Variants in DNAH1 observed in about 807,000 individuals in gnomAD.
DNAH1 encodes axonemal beta dynein heavy chain 1.
A neutral mutation model predicts 484.3 loss-of-function variants in DNAH1; 327 were observed. That is an observed-to-expected ratio of 0.68 (90% CI 0.62 to 0.74). The LOEUF (loss-of-function observed/expected upper bound fraction) is 0.74, where lower values mean the gene tolerates loss of function less well. DNAH1 is among the 30% of genes least tolerant of loss of function. The pLI is 0.00. For synonymous variants in DNAH1, 2,192 were observed against 2,191.9 expected, an observed-to-expected ratio of 1.00 and a Z score of 0.00; for missense variants, 5,052 against 5,546.8, an observed-to-expected ratio of 0.91 and a Z score of 2.83.
In DNAH1 at chr3:52,322,427, C is replaced by T. The variant is rs752638784; in HGVS notation, c.-16C>T. On this transcript the variant is annotated 5_prime_UTR_variant, in exon 2 of 78. Coordinates refer to ENST00000420323, the MANE Select transcript of DNAH1 (RefSeq NM_015512.5). ...CTCCTAGGAGCTTCGGCTGGGGCAT[C>T]TCCCTGAGAAGCAGCATGGAGCAGC... 1.9e-6 allele frequency: 3 copies of T among 1,594,038 alleles called. No homozygotes were observed. The Admixed American group carries it at 5.7e-5, about 30-fold the overall frequency.
At chr3:52,367,760 A>G (rs1485683254) in intron 36 of DNAH1, among the ~76,000 whole-genome samples, 1 of 152,098 alleles carries the variant, frequency 6.6e-6, no homozygotes, top group Non-Finnish European at 1.5e-5. Context: ...TTTAGTAGAG[A>G]CAAGATTTCA....
chr3:52,369,242 A>T (rs1703214903), intron 37 of DNAH1, among the ~76,000 whole-genome samples: 2 of 152,128 alleles, frequency 1.3e-5, no homozygotes, highest in Non-Finnish European at 2.9e-5. Context: ...CTTGCCTCCC[A>T]GGCCCAATTT....
chr3:52,398,984 G>C lies in DNAH1; in HGVS notation c.12224G>C (p.Trp4075Ser). The change falls in exon 76 of 78, where the codon TGG becomes TCG. Residue 4075 changes from tryptophan (W) to serine (S), a missense_variant. By Grantham distance (177) the Trp-to-Ser change is radical. This residue lies in a region of DNAH1 where 853 missense variants were observed against 899.0 expected (regional missense o/e 0.95). Transcript: ENST00000420323. Reference sequence around the variant, plus strand: ...TACAACAATACTGTGCCTGAGCTCTGGAGTGCCAAGGCCTACCCATCGCTC... The same window carrying C: ...TACAACAATACTGTGCCTGAGCTCTCGAGTGCCAAGGCCTACCCATCGCTC... ...SLYNNTVPEL[W>S]SAKAYPSLKP... 6.2e-7 allele frequency: 1 copy of C among 1,613,972 alleles called. No individual in the cohort carries two copies.
At chr3:52,392,059 G>A (rs1468563674) in intron 63 of DNAH1, among the ~76,000 whole-genome samples, 12 of 152,234 alleles carry the variant, frequency 7.9e-5, no homozygotes, top group Admixed American at 7.9e-4. Flanking sequence ...ACAGCCCACA[G>A]CCCATAGGCC....
chr3:52,336,572 A>G (rs956430011), intron 8 of DNAH1, among the ~76,000 whole-genome samples: 1 of 152,100 alleles, frequency 6.6e-6, no homozygotes, highest in Admixed American at 6.5e-5. Flanking sequence ...AAAAAAGAAC[A>G]ATTTAAATAT....
chr3:52,356,646 G>C lies in DNAH1; in HGVS notation c.3726G>C (p.Arg1242=). 1 of 1,613,740 alleles carries C rather than the reference G, an allele frequency of 6.2e-7. No homozygotes were observed. Among genetic ancestry groups the C allele is most frequent in the East Asian group, 2.2e-5 (1 of 44,892 alleles). ...EVLEEWLNCQ[R]SWLYLEPIFS... Reference sequence around the variant, plus strand: ...TGGAGGAGTGGCTGAACTGTCAGCGGTCCTGGCTCTACCTGGAGCCCATCT... The same window carrying C: ...TGGAGGAGTGGCTGAACTGTCAGCGCTCCTGGCTCTACCTGGAGCCCATCT... The change falls in exon 22 of 78, where the codon CGG becomes CGC. Residue 1242 remains arginine (R), a synonymous_variant. Coordinates refer to ENST00000420323, the MANE Select transcript of DNAH1 (RefSeq NM_015512.5).
intron 46 of DNAH1, among the ~76,000 whole-genome samples, chr3:52,378,245 C>T (rs1291730151): frequency 6.6e-6 from 1 of 151,880 alleles, no homozygotes; most frequent in Non-Finnish European, 1.5e-5. Flanking sequence ...GAGACCCTCC[C>T]CAAGTGTGGC....
chr3:52,318,890 C>T (rs1368185276), intron 1 of DNAH1, among the ~76,000 whole-genome samples: 5 of 152,196 alleles, frequency 3.3e-5, no homozygotes, highest in Non-Finnish European at 5.9e-5. Flanking sequence ...TGCAGAACCC[C>T]GGGGTGTGAA....
chr3:52,400,402 T>C lies in DNAH1; in HGVS notation c.12754T>C (p.Trp4252Arg), dbSNP rs1704861583. 2 of 1,613,906 alleles carry C rather than the reference T, an allele frequency of 1.2e-6. No homozygotes were observed. The highest frequency in any genetic ancestry group is 1.1e-5 in the South Asian group (1 of 91,090). Residue 4252 changes from tryptophan to arginine, a missense_variant, in exon 78 of 78, where the codon TGG becomes CGG. By Grantham distance (101) the Trp-to-Arg change is moderately radical. This residue lies in a region of DNAH1 where 853 missense variants were observed against 899.0 expected (regional missense o/e 0.95). Coordinates refer to ENST00000420323, the MANE Select transcript of DNAH1 (RefSeq NM_015512.5). ...EIPTHQPQRH[W>R]IKRGVALICA... is the part of the protein sequence containing the mutation. ...CCCCACCCATCAGCCCCAGCGACAC[T>C]GGATAAAGCGTGGTGTGGCCCTCAT...
In DNAH1 at chr3:52,388,281, G is replaced by A. The variant is rs1477905327; in HGVS notation, c.9118G>A (p.Val3040Met). 6.2e-7 allele frequency: 1 copy of A among 1,602,156 alleles called. No homozygotes were observed. Residue 3040 changes from valine to methionine, a missense_variant, in exon 57 of 78, where the codon GTG becomes ATG. Physicochemically the swap from Val to Met is conservative, Grantham distance 21. This residue lies in a region of DNAH1 where 2,929 missense variants were observed against 3,409.4 expected (regional missense o/e 0.86). Coordinates refer to ENST00000420323, the MANE Select transcript of DNAH1 (RefSeq NM_015512.5). ...SKACTSICQWVRAMHKYHFVA... is the reference protein window; with the variant it reads ...SKACTSICQWMRAMHKYHFVA... ...GGCTTGCACCTCCATCTGCCAGTGG[G>A]TGCGCGCCATGCACAAGTACCACTT...
At chr3:52,321,983 C>T (rs1277034741) in intron 1 of DNAH1, among the ~76,000 whole-genome samples, 1 of 152,098 alleles carries the variant, frequency 6.6e-6, no homozygotes, top group African/African-American at 2.4e-5. Context: ...GGTGCCAGGG[C>T]TGCTACTGGC....
At chr3:52,344,669 T>G (rs745696361) in intron 9 of DNAH1, 22 bp downstream of exon 9, 1 of 1,605,240 alleles carries the variant, frequency 6.2e-7, no homozygotes, top group Non-Finnish European at 8.5e-7. Flanking sequence ...TGGACCAAGA[T>G]GGGCTCCATG....
intron 1 of DNAH1, among the ~76,000 whole-genome samples, chr3:52,319,478 G>C (rs1701065172): frequency 6.6e-6 from 1 of 152,216 alleles, no homozygotes; most frequent in African/African-American, 2.4e-5. Flanking sequence ...TAAATGAGAT[G>C]ATGCATAAAA....
At chr3:52,382,233 T>A (rs1703880840) in intron 49 of DNAH1, 87 bp from the exon 50 acceptor site, 1 of 1,600,520 alleles carries the variant, frequency 6.2e-7, no homozygotes, top group Admixed American at 1.7e-5. Context: ...GAATTCCAGG[T>A]GGTCAGGGTA....
intron 8 of DNAH1, among the ~76,000 whole-genome samples, chr3:52,342,423 A>G (rs922909235): frequency 1.3e-5 from 2 of 152,222 alleles, no homozygotes; most frequent in East Asian, 3.8e-4. Flanking sequence ...GAGGAGACTA[A>G]TGCCATAATC....
chr3:52,388,104 G>T (rs1578192009), intron 56 of DNAH1, 63 bp from the exon 57 acceptor site: 1 of 1,557,612 alleles, frequency 6.4e-7, no homozygotes, highest in East Asian at 2.4e-5. Context: ...CCACATCCCA[G>T]CAGAGCCCTT....
At position 52,375,381 on chromosome 3, in the gene DNAH1, G is replaced by A. The variant is rs1218859728; in HGVS notation, c.7127G>A (p.Arg2376His). Residue 2376 changes from arginine to histidine, a missense_variant, in exon 45 of 78, where the codon CGC (arginine) becomes CAC (histidine). Physicochemically the swap from Arg to His is conservative, Grantham distance 29 (BLOSUM62 0). This residue lies in a region of DNAH1 where 2,929 missense variants were observed against 3,409.4 expected (regional missense o/e 0.86). Transcript: ENST00000420323. ...FAEMDEVSKK[R>H]IFSTILGNWL... ...GAGATGGACGAGGTCAGCAAGAAAC[G>A]CATCTTCTCCACCATCCTGGGCAAC... 42 of 1,613,416 alleles carry A rather than the reference G, an allele frequency of 2.6e-5. No homozygotes were observed. The highest frequency in any genetic ancestry group is 3.1e-5 in the Non-Finnish European group (36 of 1,179,758).
chr3:52,352,068 C>G lies in DNAH1; in HGVS notation c.2836C>G (p.Gln946Glu). The G allele has an allele frequency of 6.3e-7, 1 of 1,586,274 alleles. No individual in the cohort carries two copies. Among genetic ancestry groups the G allele is most frequent in the South Asian group, 1.2e-5 (1 of 86,554 alleles). The part of the protein sequence containing the change: ...EKFRKIQIMD[Q>E]NNFQEKLEGL... ...GTTCCGCAAAATCCAGATCATGGAT[C>G]AGAACAACTTCCAAGAGAAGCTGGA... Residue 946 changes from glutamine to glutamate, a missense_variant, in exon 17 of 78, where the codon CAG (glutamine) becomes GAG (glutamate). By Grantham distance (29) the Gln-to-Glu change is conservative. Transcript: ENST00000420323.
At chr3:52,318,269 T>TA (rs1384664243) in intron 1 of DNAH1, among the ~76,000 whole-genome samples, 1 of 152,200 alleles carries the variant, frequency 6.6e-6, no homozygotes, top group Non-Finnish European at 1.5e-5. Flanking sequence ...AAGCTGGTCT[T>TA]AAACTCCTGA....
Sources: gnomAD v4.1 joint callset for allele counts (sites outside exome capture counted in the v4.1 genomes callset) on GRCh38, gnomAD v4.1.1 for gene constraint, gnomAD v4.1.1 regional missense constraint, MANE v1.5 for transcripts, NCBI Gene and HGNC (gene_info 2026-07-23, HGNC 2026-07-21) for gene names.